The following SLC35F2 variants were observed in gnomAD, a reference collection of about 807,000 sequenced individuals.
SLC35F2 encodes queuine/queuosine transporter SLC35F2.
In SLC35F2, 25 loss-of-function variants were observed where a neutral mutation model predicts 38.1. The observed-to-expected ratio is 0.66, with a 90% CI of 0.48 to 0.92. SLC35F2 has a LOEUF of 0.92. Among genes scored for constraint, SLC35F2 ranks in the 40% least tolerant of loss-of-function variants. The probability of loss-of-function intolerance (pLI) is 0.00; values close to 1 mark genes in which losing one functional copy is unlikely to be tolerated. For synonymous variants in SLC35F2, 173 were observed against 181.7 expected (o/e 0.95, Z 0.38); for missense variants, 409 against 452.9 (o/e 0.90, Z 0.88).
chr11:107,810,560 C>T (rs557261755), intron 3 of SLC35F2: 9 of 985,340 alleles, frequency 9.1e-6, no homozygotes, highest in Middle Eastern at 5.2e-4. Flanking sequence ...AAACTTCATT[C>T]TCTAGGTAAC....
Position 107,803,151 on chromosome 11 carries a change from C to G in SLC35F2, c.789G>C (p.Leu263=). 6.3e-7 allele frequency: 1 copy of G among 1,599,026 alleles called. No homozygotes were observed. The highest frequency in any genetic ancestry group is 1.1e-5 in the South Asian group (1 of 87,866). The change falls in exon 7 of 8, where the codon CTG becomes CTC. Residue 263 remains leucine (L), a synonymous_variant. Transcript: ENST00000525815. Reference sequence around the variant, plus strand: ...TACACAGGGCAAATGCCACGAACAGCAGGGCTGTGGAAAAAAACATGGAAT... The same window carrying G: ...TACACAGGGCAAATGCCACGAACAGGAGGGCTGTGGAAAAAAACATGGAAT... ...ASIHWDWKIA[L]LFVAFALCMF... is the part of the protein sequence containing the mutation.
chr11:107,817,066 T>C (rs940577484), intron 1 of SLC35F2, among the ~76,000 whole-genome samples: 8 of 151,976 alleles, frequency 5.3e-5, no homozygotes, highest in East Asian at 3.9e-4. Flanking sequence ...TCACTTGAGG[T>C]TGAGTTCGAG....
intron 1 of SLC35F2, among the ~76,000 whole-genome samples, chr11:107,854,080 A>C (rs558105337): frequency 5.2e-4 from 79 of 152,256 alleles, no homozygotes; most frequent in African/African-American, 1.8e-3. Context: ...AATTAAAAAC[A>C]TACATATGAA....
intron 3 of SLC35F2, among the ~76,000 whole-genome samples, chr11:107,807,708 G>A (rs993083114): frequency 8.1e-4 from 123 of 152,026 alleles, no homozygotes; most frequent in South Asian, 1.9e-3. Flanking sequence ...CAAGGAGCTG[G>A]GATTACAGCC....
chr11:107,837,691 C>A (rs1369964780), intron 1 of SLC35F2, among the ~76,000 whole-genome samples: 10 of 151,872 alleles, frequency 6.6e-5, no homozygotes, highest in Admixed American at 6.6e-4. Flanking sequence ...GAGAGTTTGT[C>A]TCAAAATAAA....
intron 4 of SLC35F2, chr11:107,805,756 C>A (rs1859381336): frequency 1.5e-6 from 1 of 662,420 alleles, no homozygotes; most frequent in African/African-American, 2.0e-5. Context: ...CAGCTCACTG[C>A]AACCTACACC....
chr11:107,806,478 G>A (rs1859391931), intron 4 of SLC35F2: 2 of 457,660 alleles, frequency 4.4e-6, no homozygotes, highest in Non-Finnish European at 8.1e-6. Flanking sequence ...AGTATCAACT[G>A]TAATTTTCTC....
chr11:107,841,949 C>T (rs1860018474), intron 1 of SLC35F2, among the ~76,000 whole-genome samples: 1 of 151,310 alleles, frequency 6.6e-6, no homozygotes, highest in Non-Finnish European at 1.5e-5. Context: ...ACCTGTAATC[C>T]CAGCTACTCG....
At chr11:107,802,889 C>A (rs1859333238) in intron 7 of SLC35F2, 112 bp downstream of exon 7, 32 of 1,078,702 alleles carry the variant, frequency 3.0e-5, no homozygotes, top group Non-Finnish European at 4.0e-5. Context: ...CAATGAAATT[C>A]TTGCCAAGAA....
At chr11:107,815,347 A>G (rs565459737) in intron 2 of SLC35F2, among the ~76,000 whole-genome samples, 1 of 150,870 alleles carries the variant, frequency 6.6e-6, no homozygotes, top group Non-Finnish European at 1.5e-5. Context: ...CCCAGGAGTT[A>G]GAGACCAGCC....
intron 6 of SLC35F2, among the ~76,000 whole-genome samples, chr11:107,803,969 G>A (rs1342970809): frequency 6.6e-6 from 1 of 150,970 alleles, no homozygotes; most frequent in Non-Finnish European, 1.5e-5. Flanking sequence ...GAGATTATAG[G>A]CGCCCGCCAC....
chr11:107,816,020 A>ACACACG, intron 1 of SLC35F2, 55 bp from the exon 2 acceptor site: 1 of 1,259,744 alleles, frequency 7.9e-7, no homozygotes, highest in Non-Finnish European at 1.0e-6. Flanking sequence ...TACCTTACAC[A>ACACACG]CACACACACA....
In SLC35F2 at chr11:107,811,790, A is replaced by C; in HGVS notation, c.291T>G (p.Ser97Arg). 1 of 1,613,774 alleles carries C rather than the reference A, an allele frequency of 6.2e-7. No homozygotes were observed. Among genetic ancestry groups the C allele is most frequent in the Non-Finnish European group, 8.5e-7 (1 of 1,179,786 alleles). Residue 97 changes from serine to arginine, a missense_variant, in exon 3 of 8, where the codon AGT becomes AGG. Physicochemically the swap from Ser to Arg is moderately radical, Grantham distance 110 (BLOSUM62 -1). Transcript: ENST00000525815. ...YTVMLAFRSG[S>R]DNLLVILKRK... The stretch of plus-strand genomic sequence containing the variant: ...TTTTCAAGATTACTAAAAGGTTATC[A>C]CTGCCTGGTTGAAAGAAATATGGGT...
At chr11:107,838,180 C>T (rs920398463) in intron 1 of SLC35F2, among the ~76,000 whole-genome samples, 1 of 152,134 alleles carries the variant, frequency 6.6e-6, no homozygotes, top group Non-Finnish European at 1.5e-5. Flanking sequence ...AGAGGCTGAG[C>T]TCATAACCAC....
At chr11:107,842,324 T>C (rs1263208603) in intron 1 of SLC35F2, among the ~76,000 whole-genome samples, 1 of 137,452 alleles carries the variant, frequency 7.3e-6, no homozygotes, top group East Asian at 2.1e-4. Context: ...GGATTTCTCA[T>C]ATACAGCTGG....
intron 1 of SLC35F2, chr11:107,816,225 T>C (rs973403529): frequency 5.1e-5 from 50 of 985,122 alleles, no homozygotes; most frequent in Non-Finnish European, 5.8e-5. Context: ...TTAGAGATCA[T>C]TTTGATTACT....
At chr11:107,793,177 A>G (rs72999545) in intron 7 of SLC35F2, among the ~76,000 whole-genome samples, 2 of 152,326 alleles carry the variant, frequency 1.3e-5, no homozygotes, top group Middle Eastern at 3.4e-3. Flanking sequence ...TCAGGCTCCC[A>G]AAGTGCGGGG....
At chr11:107,843,867 AAATATATATATATAT>A (rs1193329636) in intron 1 of SLC35F2, among the ~76,000 whole-genome samples, 7 of 30,700 alleles carry the variant, frequency 2.3e-4, no homozygotes, top group Non-Finnish European at 2.2e-4. Context: ...AAAAAAAAAA[AAATATATATATATAT>A]ATATATATAT....
chr11:107,833,726 C>A (rs1193028913), intron 1 of SLC35F2, among the ~76,000 whole-genome samples: 1 of 152,098 alleles, frequency 6.6e-6, no homozygotes, highest in Non-Finnish European at 1.5e-5. Context: ...AATTAAGAGT[C>A]TTTTATTTAA....
Sources: allele counts gnomAD v4.1 joint callset (sites outside exome capture counted in the v4.1 genomes callset), GRCh38; gene constraint gnomAD v4.1.1; transcripts MANE v1.5; gene names NCBI Gene and HGNC (gene_info 2026-07-23, HGNC 2026-07-21).